Variants in KIF16B observed in about 807,000 individuals in gnomAD.
KIF16B encodes the protein kinesin family member 16B.
A neutral mutation model predicts 156.3 loss-of-function variants in KIF16B; 98 were observed. The observed-to-expected ratio is 0.63, with a 90% confidence interval of 0.53 to 0.74. The LOEUF (loss-of-function observed/expected upper bound fraction) is 0.74. Among genes scored for constraint, KIF16B ranks in the 30% least tolerant of loss-of-function variants. The pLI is 0.00. For missense variants in KIF16B, 1,421 were observed against 1,606.5 expected (o/e 0.88, Z 1.97); for synonymous variants, 564 against 583.7 (o/e 0.97, Z 0.49).
chr20:16,466,191 C>T (rs933631672), intron 12 of KIF16B, among the ~76,000 whole-genome samples: 3 of 152,202 alleles, frequency 2.0e-5, no homozygotes, highest in African/African-American at 4.8e-5. Flanking sequence ...AAAAAGAGAA[C>T]TGAGATCTGA....
chr20:16,338,594 G>GTCCCA (rs1164430685), intron 23 of KIF16B, among the ~76,000 whole-genome samples: 20 of 152,120 alleles, frequency 1.3e-4, no homozygotes, highest in Admixed American at 5.9e-4. Flanking sequence ...ATCCTCATAA[G>GTCCCA]CACAAAACCT....
chr20:16,538,705 A>G (rs2070075022), intron 1 of KIF16B, among the ~76,000 whole-genome samples: 1 of 152,192 alleles, frequency 6.6e-6, no homozygotes, highest in South Asian at 2.1e-4. Flanking sequence ...TTTTTAAAAA[A>G]ATCCTATTGA....
chr20:16,316,974 A>C (rs2063707761), intron 24 of KIF16B, among the ~76,000 whole-genome samples: 1 of 152,216 alleles, frequency 6.6e-6, no homozygotes, highest in South Asian at 2.1e-4. Flanking sequence ...CACTTCCAAC[A>C]AATTAAGAAT....
At chr20:16,359,458 T>C (rs2064508206) in intron 22 of KIF16B, among the ~76,000 whole-genome samples, 2 of 152,160 alleles carry the variant, frequency 1.3e-5, no homozygotes, top group Non-Finnish European at 2.9e-5. Flanking sequence ...GCCAGTGCTA[T>C]ACTTTCTACA....
intron 17 of KIF16B, among the ~76,000 whole-genome samples, chr20:16,387,305 G>A (rs1224474916): frequency 6.6e-6 from 1 of 152,178 alleles, no homozygotes; most frequent in Non-Finnish European, 1.5e-5. Context: ...ACTGATCTCT[G>A]TGTTGATGTG....
intron 24 of KIF16B, among the ~76,000 whole-genome samples, chr20:16,331,077 G>A (rs561403547): frequency 6.6e-6 from 1 of 152,336 alleles, no homozygotes; most frequent in South Asian, 2.1e-4. Context: ...GGAAACTGAC[G>A]CTGAGCATGG....
chr20:16,373,856 G>A (rs971262910), intron 20 of KIF16B, among the ~76,000 whole-genome samples: 1 of 152,170 alleles, frequency 6.6e-6, no homozygotes, highest in South Asian at 2.1e-4. Flanking sequence ...CCCTATTAGT[G>A]GTTCCACATC....
At chr20:16,537,268 T>C (rs1203615400) in intron 1 of KIF16B, among the ~76,000 whole-genome samples, 3 of 152,178 alleles carry the variant, frequency 2.0e-5, no homozygotes, top group Admixed American at 6.5e-5. Context: ...TCCAGCACTA[T>C]ATCCTGCCCC....
At chr20:16,465,272 G>A (rs1407867260) in intron 12 of KIF16B, among the ~76,000 whole-genome samples, 1 of 152,140 alleles carries the variant, frequency 6.6e-6, no homozygotes, top group African/African-American at 2.4e-5. Context: ...AGTACAGGGG[G>A]CTGCACTGGT....
At chr20:16,518,536 A>T (rs984778967) in intron 3 of KIF16B, among the ~76,000 whole-genome samples, 4 of 152,126 alleles carry the variant, frequency 2.6e-5, no homozygotes, top group Non-Finnish European at 5.9e-5. Flanking sequence ...GTCAACTGGG[A>T]GATGTTAGGT....
intron 4 of KIF16B, among the ~76,000 whole-genome samples, chr20:16,513,709 A>G (rs2069040067): frequency 6.6e-6 from 1 of 151,456 alleles, no homozygotes; most frequent in African/African-American, 2.4e-5. Flanking sequence ...CTCCTTTGAC[A>G]GAGTAACCCC....
chr20:16,500,247 A>G (rs374238418), intron 10 of KIF16B, among the ~76,000 whole-genome samples: 4 of 152,212 alleles, frequency 2.6e-5, no homozygotes, highest in African/African-American at 7.2e-5. Flanking sequence ...TTTCAATGAC[A>G]TTGAATATAC....
At chr20:16,376,984 T>C (rs1378134366) in intron 19 of KIF16B, among the ~76,000 whole-genome samples, 1 of 152,242 alleles carries the variant, frequency 6.6e-6, no homozygotes, top group African/African-American at 2.4e-5. Context: ...CTGAGGGAAC[T>C]ACCAGACAGC....
chr20:16,468,804 A>C (rs993831744), intron 12 of KIF16B, among the ~76,000 whole-genome samples: 4 of 152,108 alleles, frequency 2.6e-5, no homozygotes, highest in Non-Finnish European at 5.9e-5. Context: ...AAACCAGTAA[A>C]GACATACTTA....
chr20:16,283,241 G>A (rs2063173790), intron 25 of KIF16B, among the ~76,000 whole-genome samples: 1 of 152,156 alleles, frequency 6.6e-6, no homozygotes, highest in Non-Finnish European at 1.5e-5. Flanking sequence ...GTTTTCCTGG[G>A]GTGGGCTACC....
intron 18 of KIF16B, among the ~76,000 whole-genome samples, chr20:16,380,704 C>T (rs1393833647): frequency 6.6e-6 from 1 of 152,148 alleles, no homozygotes; most frequent in Non-Finnish European, 1.5e-5. Flanking sequence ...CCAAATGGTC[C>T]AAAATGTTAG....
chr20:16,281,919 T>C (rs2063151936), intron 25 of KIF16B, among the ~76,000 whole-genome samples: 1 of 152,306 alleles, frequency 6.6e-6, no homozygotes, highest in South Asian at 2.1e-4. Context: ...TGCTGTGTAC[T>C]GACTCCCTTC....
intron 12 of KIF16B, among the ~76,000 whole-genome samples, chr20:16,487,238 C>T (rs908792701): frequency 3.3e-5 from 5 of 149,728 alleles, no homozygotes; most frequent in African/African-American, 1.0e-4. Context: ...GGTGACAGAT[C>T]GAGACTCCAT....
chr20:16,462,241 C>CAA (rs71192335), intron 12 of KIF16B, among the ~76,000 whole-genome samples: 8 of 147,972 alleles, frequency 5.4e-5, no homozygotes, highest in African/African-American at 9.9e-5. Flanking sequence ...AACTCCATCT[C>CAA]AAAAAAAAAA....
Sources: allele counts gnomAD v4.1 joint callset (sites outside exome capture counted in the v4.1 genomes callset), GRCh38; gene constraint gnomAD v4.1.1; transcripts MANE v1.5; gene names NCBI Gene and HGNC (gene_info 2026-07-23, HGNC 2026-07-21).